PAX8: variants seen among roughly 807,000 people sequenced by gnomAD.
PAX8 encodes paired box 8.
PAX8 carries 15 observed loss-of-function variants against 52.4 expected under a neutral mutation model. That is an observed-to-expected ratio of 0.29 (90% CI 0.19 to 0.44). The LOEUF is 0.44. PAX8 is among the 20% of genes least tolerant of loss of function. The pLI is 1.00. For synonymous variants in PAX8, 284 were observed against 249.7 expected (o/e 1.14, Z -1.29); for missense variants, 554 against 602.5 (o/e 0.92, Z 0.84).
chr2:113,221,618 C>T (rs1303274430), intron 10 of PAX8, among the ~76,000 whole-genome samples: 1 of 152,178 alleles, frequency 6.6e-6, no homozygotes, highest in Non-Finnish European at 1.5e-5. Context: ...TTCAAATATA[C>T]AGGGAGTGCT....
Position 113,235,541 on chromosome 2 carries a change from C to T in PAX8, c.940G>A (p.Val314Met), listed in dbSNP as rs988811879. Residue 314 changes from valine (V) to methionine (M), a missense_variant, in exon 9 of 12, where the codon GTG (valine) becomes ATG (methionine). Coordinates refer to ENST00000429538, the MANE Select transcript of PAX8 (RefSeq NM_003466.4). ...GAAGGGGTGGAGCTAGAACTGGACACCTCGGGGGTTTCCTGCTTTATGGCG... is the reference window on the plus strand; with the variant it reads ...GAAGGGGTGGAGCTAGAACTGGACATCTCGGGGGTTTCCTGCTTTATGGCG... ...PFAIKQETPE[V>M]SSSSSTPSSL... The T allele has an allele frequency of 6.8e-6, 11 of 1,613,762 alleles. 1 individual carries two copies. Among genetic ancestry groups the T allele is most frequent in the Middle Eastern group, 1.7e-4 (1 of 6,054 alleles).
intron 2 of PAX8, among the ~76,000 whole-genome samples, chr2:113,254,973 A>G (rs1167704985): frequency 6.6e-6 from 1 of 151,854 alleles, no homozygotes; most frequent in Non-Finnish European, 1.5e-5. Context: ...TAGTCTCAGT[A>G]AGCAGAATAT....
At position 113,249,656 on chromosome 2, in the gene PAX8, G is replaced by A. The variant is rs576701690; in HGVS notation, c.26-2737C>T. The stretch of plus-strand genomic sequence containing the variant: ...CTTAATTATTATGAAGGACTGACTC[G>A]CATCCTTAGAAACCCAAACCCTCAG... On this transcript the variant is annotated intron_variant, in intron 2 of 11. Coordinates refer to ENST00000429538, the MANE Select transcript of PAX8 (RefSeq NM_003466.4). Among the ~76,000 whole-genome samples, 14 of 152,148 alleles carry A rather than the reference G, an allele frequency of 9.2e-5. No individual in the cohort carries two copies. In the South Asian group the frequency reaches 2.7e-3, roughly 29 times the overall value.
At chr2:113,267,967 A>G (rs978312885) in intron 2 of PAX8, 2 of 152,246 alleles carry the variant, frequency 1.3e-5, no homozygotes, top group Non-Finnish European at 2.9e-5. Context: ...TGTCCAGGCT[A>G]TAAGATCTAA....
Position 113,278,481 on chromosome 2 carries a change from CAGG to C in PAX8, c.-75-15_-75-13del. ...CGCCTGCCGCTGCCCTGCACAAACCCAGGAGAAGGGCATGAGATGCGATGAGAT... is the reference window on the plus strand; with the variant it reads ...CGCCTGCCGCTGCCCTGCACAAACCCAGAAGGGCATGAGATGCGATGAGAT... On this transcript the variant is annotated splice_polypyrimidine_tract_variant and intron_variant, in intron 1 of 11. Coordinates refer to ENST00000429538, the MANE Select transcript of PAX8 (RefSeq NM_003466.4). 4 of 1,590,526 alleles carry C rather than the reference CAGG, an allele frequency of 2.5e-6. No homozygotes were observed. Among genetic ancestry groups the C allele is most frequent in the Non-Finnish European group, 8.6e-7 (1 of 1,167,988 alleles).
intron 2 of PAX8, among the ~76,000 whole-genome samples, chr2:113,254,009 T>A (rs1691997328): frequency 6.6e-6 from 1 of 152,244 alleles, no homozygotes; most frequent in East Asian, 1.9e-4. Context: ...TTCGTTTTGA[T>A]CATTATTAAA....
intron 2 of PAX8, among the ~76,000 whole-genome samples, chr2:113,257,197 T>C (rs907454557): frequency 2.0e-5 from 3 of 152,184 alleles, no homozygotes; most frequent in Non-Finnish European, 4.4e-5. Flanking sequence ...TCCTTAGTAA[T>C]GATAAAAGGG....
chr2:113,258,024 C>A (rs1412963582), intron 2 of PAX8, among the ~76,000 whole-genome samples: 13 of 152,182 alleles, frequency 8.5e-5, no homozygotes, highest in Admixed American at 8.5e-4. Flanking sequence ...GCACTGCTTA[C>A]TTTTGCCCAC....
In PAX8 at chr2:113,236,824, A is replaced by G. The variant is rs562438314; in HGVS notation, c.778-103T>C. On this transcript the variant is annotated intron_variant, in intron 7 of 11. Coordinates refer to ENST00000429538, the MANE Select transcript of PAX8 (RefSeq NM_003466.4). ...AGGACTTGGCAGCCCTCATCTCCCC[A>G]GGAGAGGTCCTCATCGCCCCCTTCT... 261 of 1,367,762 alleles carry G rather than the reference A, an allele frequency of 1.9e-4. No homozygotes were observed. The East Asian group carries it at 4.5e-3, about 23-fold the overall frequency. The allele number at this position is 1,367,762 out of a possible 1,614,324, so 84.7% of individuals were successfully genotyped here.
chr2:113,245,875 G>A (rs980774921), intron 3 of PAX8, among the ~76,000 whole-genome samples: 4 of 152,140 alleles, frequency 2.6e-5, no homozygotes, highest in South Asian at 2.1e-4. Context: ...GGCTTTTCAC[G>A]GTTCAAAGAA....
chr2:113,231,561 G>A (rs1689891574), intron 9 of PAX8, among the ~76,000 whole-genome samples: 2 of 152,210 alleles, frequency 1.3e-5, no homozygotes, highest in Non-Finnish European at 2.9e-5. Context: ...GGAGTTGCAG[G>A]AGGCGGCAGC....
chr2:113,260,657 G>A (rs1692598303), intron 2 of PAX8, among the ~76,000 whole-genome samples: 1 of 152,044 alleles, frequency 6.6e-6, no homozygotes, highest in African/African-American at 2.4e-5. Flanking sequence ...AGGAACTAGG[G>A]AATATTGAAT....
intron 2 of PAX8, chr2:113,250,920 C>T (rs1691710578): frequency 6.6e-6 from 1 of 152,062 alleles, no homozygotes; most frequent in Non-Finnish European, 1.5e-5. Context: ...CTTGGGGAGA[C>T]CCGTAAGTGG....
At chr2:113,241,119 GA>G in intron 7 of PAX8, 1 of 322,760 alleles carries the variant, frequency 3.1e-6, no homozygotes, top group Non-Finnish European at 6.0e-6. Context: ...CGAGGGTGGT[GA>G]GCTCGGGGCC....
chr2:113,232,673 A>C (rs1689966136), intron 9 of PAX8, among the ~76,000 whole-genome samples: 1 of 152,198 alleles, frequency 6.6e-6, no homozygotes, highest in Non-Finnish European at 1.5e-5. Flanking sequence ...GATTGACTGC[A>C]TGTTGACAGG....
At chr2:113,261,622 G>T (rs1329581756) in intron 2 of PAX8, among the ~76,000 whole-genome samples, 1 of 152,214 alleles carries the variant, frequency 6.6e-6, no homozygotes, top group African/African-American at 2.4e-5. Context: ...GACCAGGAAG[G>T]AGAGGTGAGC....
chr2:113,226,669 G>GTCATCATCATCATCATCATCATCGTCA, intron 10 of PAX8: 1 of 1,057,460 alleles, frequency 9.5e-7, no homozygotes, highest in East Asian at 6.2e-5. Flanking sequence ...CATCGTCATC[G>GTCATCATCATCATCATCATCATCGTCA]TCATCATCAT....
intron 2 of PAX8, among the ~76,000 whole-genome samples, chr2:113,256,376 C>G (rs1342390997): frequency 6.6e-6 from 1 of 152,194 alleles, no homozygotes; most frequent in Non-Finnish European, 1.5e-5. Flanking sequence ...GCTGGCTCAT[C>G]CCAGCTATTG....
chr2:113,244,429 A>G lies in PAX8; in HGVS notation c.387T>C (p.Asn129=), dbSNP rs776750587. ...CCAGAGGCTGCTTTCTCTCTTACCTATTAATGGAGCTGACACTGGGCACAG... is the reference window on the plus strand; with the variant it reads ...CCAGAGGCTGCTTTCTCTCTTACCTGTTAATGGAGCTGACACTGGGCACAG... The part of the protein sequence containing the change: ...NDTVPSVSSI[N]RIIRTKVQQP... The change falls in exon 4 of 12, where the codon AAT becomes AAC. Residue 129 remains asparagine, a splice_region_variant and synonymous_variant. Coordinates refer to ENST00000429538, the MANE Select transcript of PAX8 (RefSeq NM_003466.4). 5.6e-6 allele frequency: 9 copies of G among 1,612,152 alleles called. No homozygotes were observed. Among genetic ancestry groups the G allele is most frequent in the Non-Finnish European group, 7.6e-6 (9 of 1,178,476 alleles).
Sources: gnomAD v4.1 joint callset for allele counts (sites outside exome capture counted in the v4.1 genomes callset) on GRCh38, gnomAD v4.1.1 for gene constraint, MANE v1.5 for transcripts, NCBI Gene and HGNC (gene_info 2026-07-23, HGNC 2026-07-21) for gene names.